The following PLCB1 variants were observed in gnomAD, a reference collection of about 807,000 sequenced individuals.
PLCB1 encodes phospholipase C beta 1.
Under a neutral mutation model 161.8 loss-of-function variants are expected in PLCB1, and 46 were observed. That is an observed-to-expected ratio of 0.28 (90% CI 0.22 to 0.36). The LOEUF is 0.36. PLCB1 is among the 10% of genes least tolerant of loss of function. PLCB1 has a pLI of 1.00. For synonymous variants in PLCB1, 517 were observed against 503.7 expected (o/e 1.03, Z -0.35); for missense variants, 1,016 against 1,472.5 (o/e 0.69, Z 5.07).
chr20:8,147,328 T>G (rs983202682), intron 1 of PLCB1, among the ~76,000 whole-genome samples: 1 of 152,194 alleles, frequency 6.6e-6, no homozygotes, highest in Non-Finnish European at 1.5e-5. Flanking sequence ...GTTATAGATG[T>G]TGATGGAGAG....
At chr20:8,592,298 GGATAA>G (rs1987172642) in intron 3 of PLCB1, among the ~76,000 whole-genome samples, 1 of 152,102 alleles carries the variant, frequency 6.6e-6, no homozygotes, top group African/African-American at 2.4e-5. Context: ...AATGTGTTCA[GGATAA>G]CTAAGCAGCA....
intron 3 of PLCB1, among the ~76,000 whole-genome samples, chr20:8,501,583 C>G (rs1983407621): frequency 6.6e-6 from 1 of 152,172 alleles, no homozygotes; most frequent in Admixed American, 6.5e-5. Context: ...GAATGCTGAA[C>G]AGCATCCCTG....
intron 2 of PLCB1, among the ~76,000 whole-genome samples, chr20:8,179,010 T>C (rs2051811309): frequency 6.6e-6 from 1 of 152,228 alleles, no homozygotes; most frequent in Admixed American, 6.5e-5. Context: ...TTTGTAACAG[T>C]ACCATGCTGT....
intron 31 of PLCB1, among the ~76,000 whole-genome samples, chr20:8,875,263 T>G (rs1283349547): frequency 6.6e-6 from 1 of 150,528 alleles, no homozygotes; most frequent in Non-Finnish European, 1.5e-5. Context: ...AAGGTCTCTG[T>G]ACCCCATGAT....
At chr20:8,487,014 A>T (rs1210666609) in intron 3 of PLCB1, among the ~76,000 whole-genome samples, 1 of 152,256 alleles carries the variant, frequency 6.6e-6, no homozygotes, top group Non-Finnish European at 1.5e-5. Flanking sequence ...GAAATGCAGC[A>T]ATCAACATTT....
At chr20:8,682,696 T>G (rs549418249) in intron 9 of PLCB1, among the ~76,000 whole-genome samples, 50 of 152,238 alleles carry the variant, frequency 3.3e-4, no homozygotes, top group African/African-American at 1.2e-3. Flanking sequence ...TCAGTAAAAA[T>G]TAGAATTGTT....
chr20:8,346,509 A>G (rs1009979353), intron 2 of PLCB1, among the ~76,000 whole-genome samples: 26 of 152,198 alleles, frequency 1.7e-4, no homozygotes, highest in Admixed American at 1.4e-3. Context: ...TTTTTAGTCT[A>G]CACAGCTCAC....
intron 3 of PLCB1, among the ~76,000 whole-genome samples, chr20:8,550,506 G>T (rs1985738153): frequency 6.6e-6 from 1 of 152,000 alleles, no homozygotes; most frequent in Non-Finnish European, 1.5e-5. Flanking sequence ...GTGAAGAGGT[G>T]CCTTCCACCA....
chr20:8,802,024 A>G (rs1351116837), intron 31 of PLCB1: 2 of 1,282,654 alleles, frequency 1.6e-6, no homozygotes, highest in Admixed American at 3.4e-5. Flanking sequence ...TCATTGCCAC[A>G]AAAATGACAG....
intron 3 of PLCB1, among the ~76,000 whole-genome samples, chr20:8,447,983 C>T (rs934055375): frequency 5.3e-5 from 8 of 152,222 alleles, no homozygotes; most frequent in Admixed American, 5.2e-4. Flanking sequence ...TGGCAAAGGT[C>T]CTGAGACACA....
chr20:8,386,381 A>ATG, intron 3 of PLCB1, among the ~76,000 whole-genome samples: 1 of 152,220 alleles, frequency 6.6e-6, no homozygotes, highest in East Asian at 1.9e-4. Flanking sequence ...TATCACCATC[A>ATG]GAGCTCTTTT....
At chr20:8,565,820 CG>C (rs2123036516) in intron 3 of PLCB1, among the ~76,000 whole-genome samples, 1 of 152,068 alleles carries the variant, frequency 6.6e-6, no homozygotes, top group South Asian at 2.1e-4. Flanking sequence ...ACCTGCAAAA[CG>C]GAGGTGAAGA....
At chr20:8,409,653 G>T (rs959551405) in intron 3 of PLCB1, among the ~76,000 whole-genome samples, 1 of 151,756 alleles carries the variant, frequency 6.6e-6, no homozygotes, top group East Asian at 1.9e-4. Context: ...AGTAGAGATC[G>T]GGTTTCACCA....
intron 3 of PLCB1, among the ~76,000 whole-genome samples, chr20:8,605,537 G>C (rs1232180812): frequency 6.9e-6 from 1 of 145,832 alleles, no homozygotes; most frequent in Admixed American, 6.8e-5. Context: ...CAACCTCTTT[G>C]TCAAATTGTT....
At chr20:8,832,301 A>T (rs6118340) in intron 31 of PLCB1, among the ~76,000 whole-genome samples, 43,962 of 152,046 alleles carry the variant, frequency 0.29, 6,518 homozygotes, top group Middle Eastern at 0.41. Flanking sequence ...TTACTCAGGG[A>T]ACTGGAGGGT....
At chr20:8,778,098 T>C (rs1232193514) in intron 27 of PLCB1, among the ~76,000 whole-genome samples, 2 of 152,044 alleles carry the variant, frequency 1.3e-5, no homozygotes, top group African/African-American at 4.8e-5. Context: ...ACTATAATCA[T>C]CTGGAGTTTC....
chr20:8,547,414 G>T (rs760352457), intron 3 of PLCB1, among the ~76,000 whole-genome samples: 5 of 152,108 alleles, frequency 3.3e-5, no homozygotes, highest in African/African-American at 4.8e-5. Flanking sequence ...CTAGTCCTGC[G>T]TGGGGACATA....
At chr20:8,528,670 A>G (rs1984675479) in intron 3 of PLCB1, among the ~76,000 whole-genome samples, 1 of 151,972 alleles carries the variant, frequency 6.6e-6, no homozygotes, top group African/African-American at 2.4e-5. Context: ...CTGGTGAACC[A>G]ATGCCGGGAT....
Position 8,270,051 on chromosome 20 carries a change from G to T in PLCB1, c.178-101331G>T, listed in dbSNP as rs1251834910. On this transcript the variant is annotated intron_variant, in intron 2 of 31. Coordinates refer to ENST00000338037, the MANE Select transcript of PLCB1 (RefSeq NM_015192.4). The stretch of plus-strand genomic sequence containing the variant: ...CACCTGTGTTTTGGGTTAGTCCAGG[G>T]TTAAATTGAAAATAATACTTTTTAG... Among the ~76,000 whole-genome samples, 4 of 152,068 alleles carry T rather than the reference G, an allele frequency of 2.6e-5. No individual in the cohort carries two copies. In the East Asian group the frequency reaches 7.7e-4, roughly 29 times the overall value.
Sources: gnomAD v4.1 joint callset for allele counts (sites outside exome capture counted in the v4.1 genomes callset) on GRCh38, gnomAD v4.1.1 for gene constraint, MANE v1.5 for transcripts, NCBI Gene and HGNC (gene_info 2026-07-23, HGNC 2026-07-21) for gene names.